NALF1: variants seen among roughly 807,000 people sequenced by gnomAD.
NALF1 encodes family with sequence similarity 155 member A.
Under a neutral mutation model 48.4 loss-of-function variants are expected in NALF1, and 3 were observed. The observed-to-expected ratio is 0.06, with a 90% CI of 0.03 to 0.16. NALF1 has a LOEUF of 0.16. NALF1 is among the 10% of genes least tolerant of loss of function. The pLI is 1.00. For missense variants in NALF1, 526 were observed against 571.5 expected, an observed-to-expected ratio of 0.92 and a Z score of 0.81; for synonymous variants, 262 against 245.7, an observed-to-expected ratio of 1.07 and a Z score of -0.62.
At chr13:107,725,170 C>T (rs886780284) in intron 1 of NALF1, among the ~76,000 whole-genome samples, 3 of 152,136 alleles carry the variant, frequency 2.0e-5, no homozygotes, top group Admixed American at 6.5e-5. Flanking sequence ...TAAAATACAG[C>T]TCAATAACTT....
chr13:107,341,056 G>A (rs555440485), intron 1 of NALF1, among the ~76,000 whole-genome samples: 25 of 130,860 alleles, frequency 1.9e-4, no homozygotes, highest in East Asian at 4.9e-4. Context: ...CGCCCCCGCC[G>A]CCCCGAACAC....
intron 1 of NALF1, among the ~76,000 whole-genome samples, chr13:107,222,017 C>T (rs943699012): frequency 6.6e-6 from 1 of 152,100 alleles, no homozygotes; most frequent in Non-Finnish European, 1.5e-5. Context: ...CTGTTATGTG[C>T]GTTTTGCTTT....
intron 1 of NALF1, among the ~76,000 whole-genome samples, chr13:107,275,247 T>C (rs1038363173): frequency 2.0e-5 from 3 of 152,134 alleles, no homozygotes; most frequent in Non-Finnish European, 4.4e-5. Context: ...AGTATCTATA[T>C]TTTTTTATTT....
chr13:107,227,563 G>A (rs1168160174), intron 1 of NALF1, among the ~76,000 whole-genome samples: 2 of 152,208 alleles, frequency 1.3e-5, no homozygotes, highest in Non-Finnish European at 2.9e-5. Flanking sequence ...TATCTTTGTC[G>A]CACAAGTCAA....
At chr13:107,527,827 A>T (rs1440189484) in intron 1 of NALF1, among the ~76,000 whole-genome samples, 1 of 152,058 alleles carries the variant, frequency 6.6e-6, no homozygotes, top group Non-Finnish European at 1.5e-5. Context: ...ATGATTGTGA[A>T]GCTTCCCCAG....
intron 1 of NALF1, among the ~76,000 whole-genome samples, chr13:107,761,082 G>C (rs1394934838): frequency 1.3e-5 from 2 of 152,188 alleles, no homozygotes; most frequent in African/African-American, 4.8e-5. Context: ...GCCAGGCGCG[G>C]TGGCTGAAAT....
At chr13:107,639,841 T>A (rs1214861246) in intron 1 of NALF1, among the ~76,000 whole-genome samples, 1 of 152,172 alleles carries the variant, frequency 6.6e-6, no homozygotes, top group African/African-American at 2.4e-5. Context: ...TACAAAGTGT[T>A]ATTATGAGTG....
chr13:107,268,099 G>T (rs1881080401), intron 1 of NALF1, among the ~76,000 whole-genome samples: 1 of 147,386 alleles, frequency 6.8e-6, no homozygotes, highest in South Asian at 2.1e-4. Context: ...GGATTCTCCT[G>T]CCTCCGCCTC....
chr13:107,248,229 A>T (rs1192276379), intron 1 of NALF1, among the ~76,000 whole-genome samples: 1 of 152,112 alleles, frequency 6.6e-6, no homozygotes, highest in African/African-American at 2.4e-5. Context: ...TAGGGCAAAA[A>T]AAAAGGAGAA....
intron 1 of NALF1, among the ~76,000 whole-genome samples, chr13:107,405,731 T>C (rs958997963): frequency 6.6e-6 from 1 of 151,926 alleles, no homozygotes; most frequent in Admixed American, 6.6e-5. Flanking sequence ...ACCTCAACTA[T>C]GCCATTGAGA....
chr13:107,585,488 T>G (rs946756743), intron 1 of NALF1, among the ~76,000 whole-genome samples: 2 of 152,214 alleles, frequency 1.3e-5, no homozygotes, highest in Non-Finnish European at 2.9e-5. Context: ...TCTGAAGGTT[T>G]CATAGAGGCA....
chr13:107,467,300 G>T (rs1885019981), intron 1 of NALF1, among the ~76,000 whole-genome samples: 1 of 98,266 alleles, frequency 1.0e-5, no homozygotes, highest in Admixed American at 1.0e-4. Context: ...GTCCGATTTT[G>T]GCACCTAAAA....
intron 1 of NALF1, among the ~76,000 whole-genome samples, chr13:107,316,100 A>C (rs1882144361): frequency 6.6e-6 from 1 of 151,106 alleles, no homozygotes; most frequent in Non-Finnish European, 1.5e-5. Context: ...TCCTGTGTCC[A>C]TGTGTTCTCA....
At chr13:107,865,438 T>G (rs1419725922) in intron 1 of NALF1, among the ~76,000 whole-genome samples, 1 of 152,080 alleles carries the variant, frequency 6.6e-6, no homozygotes, top group Non-Finnish European at 1.5e-5. Context: ...GCCAGCTTGA[T>G]TATCTCAGAT....
chr13:107,455,729 A>G (rs1884813900), intron 1 of NALF1, among the ~76,000 whole-genome samples: 1 of 152,130 alleles, frequency 6.6e-6, no homozygotes, highest in Non-Finnish European at 1.5e-5. Flanking sequence ...GCAAGCACTG[A>G]TCCCTTTGTC....
At chr13:107,755,624 T>A (rs1311081792) in intron 1 of NALF1, among the ~76,000 whole-genome samples, 3 of 151,216 alleles carry the variant, frequency 2.0e-5, no homozygotes, top group South Asian at 4.2e-4. Context: ...CTGCCACAAC[T>A]CCTATAATGA....
rs1050785839 is a variant in NALF1, at chr13:107,246,850, G to C, written c.916-36095C>G. Reference sequence around the variant, plus strand: ...AAAGGGGAGAATTTCATCTTTCAATGATACTTTTCAAAATTATAATAAACA... The same window carrying C: ...AAAGGGGAGAATTTCATCTTTCAATCATACTTTTCAAAATTATAATAAACA... On this transcript the variant is annotated intron_variant, in intron 1 of 2. Coordinates refer to ENST00000375915, the MANE Select transcript of NALF1 (RefSeq NM_001080396.3). Among the ~76,000 whole-genome samples, 21 of 152,224 alleles carry C rather than the reference G, an allele frequency of 1.4e-4. 1 individual carries two copies. Among genetic ancestry groups the C allele is most frequent in the Admixed American group, 1.0e-3 (16 of 15,282 alleles).
intron 1 of NALF1, among the ~76,000 whole-genome samples, chr13:107,792,412 A>G (rs1186187309): frequency 3.3e-5 from 5 of 152,192 alleles, no homozygotes; most frequent in Non-Finnish European, 5.9e-5. Context: ...AATACTCACA[A>G]GATCCACTTC....
chr13:107,839,807 T>C (rs1407098123), intron 1 of NALF1, among the ~76,000 whole-genome samples: 1 of 152,242 alleles, frequency 6.6e-6, no homozygotes, highest in Admixed American at 6.5e-5. Flanking sequence ...CCACTTTTTA[T>C]GTCTTGTATG....
Sources: gnomAD v4.1 joint callset for allele counts (sites outside exome capture counted in the v4.1 genomes callset) on GRCh38, gnomAD v4.1.1 for gene constraint, MANE v1.5 for transcripts, NCBI Gene and HGNC (gene_info 2026-07-23, HGNC 2026-07-21) for gene names.